SP110: variants seen among roughly 807,000 people sequenced by gnomAD.
SP110 encodes the protein interferon-induced protein 41, 30kD.
Under a neutral mutation model 92.7 loss-of-function variants are expected in SP110, and 62 were observed. That is an observed-to-expected ratio of 0.67 (90% CI 0.55 to 0.83). The LOEUF (loss-of-function observed/expected upper bound fraction) is 0.83, where lower values mean the gene tolerates loss of function less well. Among genes scored for constraint, SP110 ranks in the 40% least tolerant of loss-of-function variants. The pLI, the probability that SP110 is intolerant of heterozygous loss-of-function variation, is 0.00. For missense variants in SP110, 793 were observed against 863.9 expected (o/e 0.92, Z 1.03); for synonymous variants, 273 against 305.3 (o/e 0.89, Z 1.10).
At chr2:230,176,875 C>T (rs1453677025) in intron 14 of SP110, 7 of 776,862 alleles carry the variant, frequency 9.0e-6, no homozygotes, top group Non-Finnish European at 1.3e-5. Context: ...AGCTCCCTCC[C>T]CCAGTCAGTT....
At chr2:230,170,326 C>G (rs915955937) in intron 18 of SP110, among the ~76,000 whole-genome samples, 4 of 151,974 alleles carry the variant, frequency 2.6e-5, no homozygotes, top group African/African-American at 7.2e-5. Context: ...CCAGTTTGAA[C>G]AAAGAGGCTG....
chr2:230,183,526 G>A, intron 12 of SP110, 46 bp downstream of exon 12: 1 of 1,277,478 alleles, frequency 7.8e-7, no homozygotes, highest in Non-Finnish European at 1.1e-6. Flanking sequence ...CAGAGGCCAG[G>A]GCTCTGGGGA....
intron 10 of SP110, among the ~76,000 whole-genome samples, chr2:230,198,239 G>A (rs2042969331): frequency 6.6e-6 from 1 of 152,164 alleles, no homozygotes; most frequent in Admixed American, 6.5e-5. Flanking sequence ...AAAGAATGTG[G>A]AGAGCTGCAA....
At chr2:230,206,923 C>T (rs1345864092) in intron 8 of SP110, among the ~76,000 whole-genome samples, 2 of 151,936 alleles carry the variant, frequency 1.3e-5, no homozygotes, top group Non-Finnish European at 2.9e-5. Context: ...GGACTAGCTT[C>T]CTAGGTTAAA....
intron 14 of SP110, among the ~76,000 whole-genome samples, chr2:230,177,195 G>T (rs2148712869): frequency 6.6e-6 from 1 of 152,348 alleles, no homozygotes; most frequent in Non-Finnish European, 1.5e-5. Flanking sequence ...GGCCAGATGA[G>T]CTGGGCCTTG....
intron 14 of SP110, chr2:230,176,582 A>G (rs1489702694): frequency 1.9e-6 from 3 of 1,611,760 alleles, no homozygotes; most frequent in Non-Finnish European, 1.7e-6. Flanking sequence ...GAGGTGACTC[A>G]GAGCTTGGAA....
chr2:230,176,214 G>C (rs1470646338), intron 14 of SP110, among the ~76,000 whole-genome samples: 2 of 151,818 alleles, frequency 1.3e-5, no homozygotes, highest in Non-Finnish European at 2.9e-5. Context: ...AAAGTGCTGG[G>C]ATTACATCGC....
upstream of SP110, chr2:230,220,079 C>A (rs888637492): frequency 1.0e-6 from 1 of 985,354 alleles, no homozygotes; most frequent in African/African-American, 1.7e-5. Context: ...CAGGTCGGTG[C>A]CTGCAGCCTC....
chr2:230,169,144 C>T lies in SP110; in HGVS notation c.2122G>A (p.Gly708Ser), dbSNP rs181058279. ...VLGFHEANDGGFWTLP is the reference protein window; with the variant it reads ...VLGFHEANDGSFWTLP ...CAGGGTCAAGGAAGAGTCCAGAAACCGCCGTCATTGGCTTCATGAAAACCG... is the reference window on the plus strand; with the variant it reads ...CAGGGTCAAGGAAGAGTCCAGAAACTGCCGTCATTGGCTTCATGAAAACCG... The change falls in exon 19 of 19, where the codon GGT becomes AGT. Residue 708 changes from glycine to serine, a missense_variant. Physicochemically the swap from Gly to Ser is moderately conservative, Grantham distance 56 (BLOSUM62 0). Coordinates refer to ENST00000258381, the MANE Select transcript of SP110 (RefSeq NM_080424.4). 2.0e-5 allele frequency: 32 copies of T among 1,612,408 alleles called. No individual in the cohort carries two copies. The highest frequency in any genetic ancestry group is 4.4e-5 in the South Asian group (4 of 91,054).
chr2:230,207,330 C>G (rs1283282325), intron 8 of SP110, among the ~76,000 whole-genome samples: 1 of 152,142 alleles, frequency 6.6e-6, no homozygotes, highest in Non-Finnish European at 1.5e-5. Context: ...CAATATTGCT[C>G]TGGCTGATAA....
chr2:230,214,998 GGT>G lies in SP110; in HGVS notation c.266_267del (p.Asn89ThrfsTer3). On this transcript the variant is annotated frameshift_variant, in exon 3 of 19. Coordinates refer to ENST00000258381, the MANE Select transcript of SP110 (RefSeq NM_080424.4). LOFTEE classifies it high-confidence loss of function. ...GTCACCAGATTGGGATATTCACGCA[GGT>G]TAATTTGACTGAACAATGTCACCAG... is the stretch of plus-strand genomic sequence containing the variant. Reference protein sequence around the residue: ...SLLVTLFSQINLREYPNLVTI... With the variant: ...SLLVTLFSQIXLREYPNLVTI... 6.2e-7 allele frequency: 1 copy of G among 1,613,960 alleles called. No homozygotes were observed. The highest frequency in any genetic ancestry group is 8.5e-7 in the Non-Finnish European group (1 of 1,179,828).
Position 230,166,462 on chromosome 2 carries a change from G to A in SP110, c.*2662C>T, listed in dbSNP as rs148055731. Among the ~76,000 whole-genome samples the A allele has an allele frequency of 6.6e-6, 1 of 152,286 alleles. No individual in the cohort carries two copies. The highest frequency in any genetic ancestry group is 1.9e-4 in the East Asian group (1 of 5,184). On this transcript the variant is annotated 3_prime_UTR_variant, in exon 19 of 19. Transcript: ENST00000258381. ...GTAGGATAACCGTAAATCTGACTATGACAGTGTGTAAAAACTATAGAGCAA... is the reference window on the plus strand; with the variant it reads ...GTAGGATAACCGTAAATCTGACTATAACAGTGTGTAAAAACTATAGAGCAA...
intron 10 of SP110, among the ~76,000 whole-genome samples, chr2:230,186,779 T>A (rs921145420): frequency 3.3e-5 from 5 of 152,188 alleles, no homozygotes; most frequent in African/African-American, 1.2e-4. Flanking sequence ...TTCCATCACC[T>A]CACTTAGAAT....
At chr2:230,185,944 G>C (rs1259860559) in intron 11 of SP110, 50 bp downstream of exon 11, 1 of 1,520,926 alleles carries the variant, frequency 6.6e-7, no homozygotes. Context: ...GCTCCAAGAG[G>C]CCCTCCTACA....
Position 230,169,025 on chromosome 2 carries a change from G to C in SP110, c.*99C>G, listed in dbSNP as rs918279119. 2.4e-6 allele frequency: 2 copies of C among 824,232 alleles called. No homozygotes were observed. Among genetic ancestry groups the C allele is most frequent in the Non-Finnish European group, 4.3e-6 (2 of 466,254 alleles). 51.1% of individuals were successfully genotyped at this position (824,232 alleles called of 1,614,324 possible). On this transcript the variant is annotated 3_prime_UTR_variant, in exon 19 of 19. Transcript: ENST00000258381. Reference sequence around the variant, plus strand: ...TGTCTGGGTTTGGGTCCTGAGGGCAGCCAATTACATCCCAGACTCACTGGC... The same window carrying C: ...TGTCTGGGTTTGGGTCCTGAGGGCACCCAATTACATCCCAGACTCACTGGC...
chr2:230,197,070 G>C (rs1458213092), intron 10 of SP110, among the ~76,000 whole-genome samples: 1 of 152,200 alleles, frequency 6.6e-6, no homozygotes. Flanking sequence ...TAATGGGATG[G>C]CTGGGTCAAA....
In SP110 at chr2:230,178,247, T is replaced by G. The variant is rs1174265859; in HGVS notation, c.1357A>C (p.Lys453Gln). The change falls in exon 13 of 19, where the codon AAA becomes CAA. Residue 453 changes from lysine (K) to glutamine (Q), a missense_variant. By Grantham distance (53) the Lys-to-Gln change is moderately conservative. Transcript: ENST00000258381. ...QKNIHRRGKPKSDTVDFHCSK... is the reference protein window; with the variant it reads ...QKNIHRRGKPQSDTVDFHCSK... ...CAGTGAAAATCCACAGTGTCACTTT[T>G]GGGTTTTCCTTAAAGTAGAAGAGAA... 6.2e-7 allele frequency: 1 copy of G among 1,608,432 alleles called. No homozygotes were observed. Among genetic ancestry groups the G allele is most frequent in the East Asian group, 2.2e-5 (1 of 44,844 alleles).
In SP110 at chr2:230,175,945, C is replaced by CTTTTTTTTTTTTTTT. The variant is rs34906767; in HGVS notation, c.1590+1592_1590+1593insAAAAAAAAAAAAAAA. 3.7e-3 allele frequency among the ~76,000 whole-genome samples: 480 copies of CTTTTTTTTTTTTTTT among 130,582 alleles called. 16 individuals are homozygous for CTTTTTTTTTTTTTTT. Among genetic ancestry groups the CTTTTTTTTTTTTTTT allele is most frequent in the Non-Finnish European group, 6.0e-3 (368 of 61,164 alleles). 85.7% of individuals were successfully genotyped at this position (130,582 alleles called of 152,430 possible). The stretch of plus-strand genomic sequence containing the variant: ...CTTTTGCTTTTCATGCTGCAGCATT[C>CTTTTTTTTTTTTTTT]TTTTTTTTTTTTTTCTGAGACAGGG... On this transcript the variant is annotated intron_variant, in intron 14 of 18. Transcript: ENST00000258381.
intron 3 of SP110, among the ~76,000 whole-genome samples, chr2:230,214,381 G>A (rs1424525442): frequency 6.6e-6 from 1 of 152,092 alleles, no homozygotes; most frequent in African/African-American, 2.4e-5. Context: ...TTGGGCCCTG[G>A]TATTGGGAGA....
Sources: gnomAD v4.1 joint callset for allele counts (sites outside exome capture counted in the v4.1 genomes callset) on GRCh38, gnomAD v4.1.1 for gene constraint, MANE v1.5 for transcripts, NCBI Gene and HGNC (gene_info 2026-07-23, HGNC 2026-07-21) for gene names.